The following CRB1 variants were observed in gnomAD, a reference collection of about 807,000 sequenced individuals.
The protein encoded by CRB1 is protein crumbs homolog 1.
In CRB1, 83 loss-of-function variants were observed where a neutral mutation model predicts 120.0. The ratio of observed to expected loss-of-function variants is 0.69; its 90% CI spans 0.58 to 0.83. CRB1 has a LOEUF of 0.83. CRB1 is among the 40% of genes least tolerant of loss of function. The pLI is 0.00. For missense variants in CRB1, 1,699 were observed against 1,687.6 expected, an observed-to-expected ratio of 1.01 and a Z score of -0.12; for synonymous variants, 625 against 612.5, an observed-to-expected ratio of 1.02 and a Z score of -0.30.
At chr1:197,214,610 C>T in the CRB1 span, among the ~76,000 whole-genome samples, 1 of 151,872 alleles carries the variant, frequency 6.6e-6, no homozygotes, top group African/African-American at 2.4e-5. Flanking sequence ...AGCATACAAC[C>T]AATCAAAACT....
At chr1:197,361,516 C>T (rs561459481) in intron 5 of CRB1, among the ~76,000 whole-genome samples, 2 of 151,678 alleles carry the variant, frequency 1.3e-5, no homozygotes, top group East Asian at 1.9e-4. Context: ...ATTTTGCTGT[C>T]GTTGGATGGA....
chr1:197,317,881 A>G (rs564493930), intron 1 of CRB1, among the ~76,000 whole-genome samples: 2 of 152,310 alleles, frequency 1.3e-5, no homozygotes, highest in South Asian at 4.1e-4. Flanking sequence ...AAGACCTGAA[A>G]TGAAACTACT....
chr1:197,363,918 G>T, intron 5 of CRB1: 1 of 1,263,950 alleles, frequency 7.9e-7, no homozygotes. Flanking sequence ...CTACGGATGG[G>T]CTCACTGAGG....
At chr1:197,400,847 T>G (rs1663029282) in intron 5 of CRB1, among the ~76,000 whole-genome samples, 1 of 152,118 alleles carries the variant, frequency 6.6e-6, no homozygotes, top group South Asian at 2.1e-4. Flanking sequence ...TTGTAGAAAA[T>G]TTGGAAAATA....
chr1:197,301,512 G>A (rs143849917), intron 1 of CRB1, among the ~76,000 whole-genome samples: 24 of 152,188 alleles, frequency 1.6e-4, no homozygotes, highest in African/African-American at 4.8e-4. Context: ...TGAACACTCC[G>A]TAGATAGTGA....
At chr1:197,257,208 G>A in the CRB1 span, among the ~76,000 whole-genome samples, 1 of 152,036 alleles carries the variant, frequency 6.6e-6, no homozygotes. Context: ...GAAGAGAAAT[G>A]TCCCAGATCA....
intron 10 of CRB1, chr1:197,440,593 A>G (rs1347162021): frequency 6.6e-6 from 1 of 152,214 alleles, no homozygotes; most frequent in Non-Finnish European, 1.5e-5. Context: ...CTGATAATAC[A>G]TGTGTATCTA....
At chr1:197,258,013 C>A in the CRB1 span, among the ~76,000 whole-genome samples, 1 of 152,144 alleles carries the variant, frequency 6.6e-6, no homozygotes, top group Admixed American at 6.6e-5. Flanking sequence ...TGCTGCCTTT[C>A]CATTTCTCTG....
Position 197,429,525 on chromosome 1 carries a change from G to A in CRB1, c.2753G>A (p.Ser918Asn), listed in dbSNP as rs1372015862. ...DFSCSCPALTSGKACEEVQWC... is the reference protein window; with the variant it reads ...DFSCSCPALTNGKACEEVQWC... ...TCCTGTTCCTGTCCTGCCCTCACAA[G>A]TGGGAAAGCCTGTGAGGAGGTTCAG... is the stretch of plus-strand genomic sequence containing the variant. The change falls in exon 8 of 12, where the codon AGT becomes AAT. Residue 918 changes from serine (S) to asparagine (N), a missense_variant. Physicochemically the swap from Ser to Asn is conservative, Grantham distance 46 (BLOSUM62 1). Coordinates refer to ENST00000367400, the MANE Select transcript of CRB1 (RefSeq NM_201253.3). 6.2e-7 allele frequency: 1 copy of A among 1,613,888 alleles called. No homozygotes were observed. The highest frequency in any genetic ancestry group is 8.5e-7 in the Non-Finnish European group (1 of 1,179,972).
the CRB1 span, among the ~76,000 whole-genome samples, chr1:197,210,830 G>C: frequency 6.6e-6 from 1 of 152,042 alleles, no homozygotes; most frequent in African/African-American, 2.4e-5. Flanking sequence ...AGAAAGAAAG[G>C]AGAGCTACAC....
chr1:197,421,341 G>C lies in CRB1; in HGVS notation c.1513G>C (p.Gly505Arg), dbSNP rs769385495. Reference protein sequence around the residue: ...WVKSGSVTTKGSVCNIALRFQ... With the variant: ...WVKSGSVTTKRSVCNIALRFQ... Reference sequence around the variant, plus strand: ...CAAAAGTGGCTCAGTGACAACCAAGGGCTCAGTTTGTAACATAGCCCTCAG... The same window carrying C: ...CAAAAGTGGCTCAGTGACAACCAAGCGCTCAGTTTGTAACATAGCCCTCAG... Residue 505 changes from glycine (G) to arginine (R), a missense_variant, in exon 6 of 12, where the codon GGC becomes CGC. Coordinates refer to ENST00000367400, the MANE Select transcript of CRB1 (RefSeq NM_201253.3). The C allele has an allele frequency of 6.2e-7, 1 of 1,614,138 alleles. No homozygotes were observed. The highest frequency in any genetic ancestry group is 8.5e-7 in the Non-Finnish European group (1 of 1,180,020).
At chr1:197,360,624 T>C (rs903436984) in intron 5 of CRB1, 6 of 152,212 alleles carry the variant, frequency 3.9e-5, no homozygotes, top group African/African-American at 1.4e-4. Context: ...AGCTAGAACA[T>C]AAAAATATGA....
At chr1:197,383,417 T>C (rs7520490) in intron 5 of CRB1, among the ~76,000 whole-genome samples, 2,153 of 152,284 alleles carry the variant, frequency 0.014, 38 homozygotes, top group African/African-American at 0.048. Context: ...TACATGACTA[T>C]GAATAAGTGT....
At chr1:197,287,194 T>G (rs952373042) in intron 1 of CRB1, among the ~76,000 whole-genome samples, 6 of 151,824 alleles carry the variant, frequency 4.0e-5, no homozygotes, top group Admixed American at 2.0e-4. Flanking sequence ...AAGCAGAACT[T>G]GGTAATAAAG....
intron 5 of CRB1, among the ~76,000 whole-genome samples, chr1:197,379,302 T>TCTTTC (rs772274728): frequency 7.2e-5 from 11 of 152,168 alleles, no homozygotes; most frequent in Non-Finnish European, 1.5e-4. Flanking sequence ...TCTTTTCTTT[T>TCTTTC]CTTTCCTTTT....
At chr1:197,222,864 T>C in the CRB1 span, 1 of 1,480,082 alleles carries the variant, frequency 6.8e-7, no homozygotes, top group Non-Finnish European at 9.4e-7. Context: ...GCTGGCAGGT[T>C]TGGATGAAAT....
At chr1:197,282,266 A>C (rs964431658) in intron 1 of CRB1, among the ~76,000 whole-genome samples, 1 of 151,842 alleles carries the variant, frequency 6.6e-6, no homozygotes, top group Admixed American at 6.6e-5. Context: ...CTTACTTACA[A>C]ATTCAGTAAC....
chr1:197,424,896 A>G (rs1664506974), intron 6 of CRB1, among the ~76,000 whole-genome samples: 1 of 152,158 alleles, frequency 6.6e-6, no homozygotes, highest in Non-Finnish European at 1.5e-5. Context: ...ACCCTTCCAA[A>G]TCCACAGCCA....
chr1:197,230,313 C>T, the CRB1 span, among the ~76,000 whole-genome samples: 2 of 152,150 alleles, frequency 1.3e-5, no homozygotes, highest in East Asian at 1.9e-4. Context: ...TTGATCTGTA[C>T]TATCAGATTC....
Sources: allele counts gnomAD v4.1 joint callset (sites outside exome capture counted in the v4.1 genomes callset), GRCh38; gene constraint gnomAD v4.1.1; transcripts MANE v1.5; gene names NCBI Gene and HGNC (gene_info 2026-07-23, HGNC 2026-07-21).